ABCB10: variants seen among roughly 807,000 people sequenced by gnomAD.
ABCB10 encodes the protein ATP-binding cassette sub-family B member 10, mitochondrial.
ABCB10 carries 54 observed loss-of-function variants against 65.4 expected under a neutral mutation model. The ratio of observed to expected loss-of-function variants is 0.83; its 90% CI spans 0.66 to 1.04. The LOEUF is 1.04. Ranked by LOEUF, ABCB10 falls within the 50% of genes least tolerant of loss-of-function variation. ABCB10 has a pLI of 0.00. For missense variants in ABCB10, 846 were observed against 976.6 expected, an observed-to-expected ratio of 0.87 and a Z score of 1.78; for synonymous variants, 418 against 406.5, an observed-to-expected ratio of 1.03 and a Z score of -0.34.
rs1484911964 is a variant in ABCB10 at position 229,539,517 on chromosome 1, C to T, written c.1278G>A (p.Met426Ile). 1 of 1,614,008 alleles carries T rather than the reference C, an allele frequency of 6.2e-7. No homozygotes were observed. Among genetic ancestry groups the T allele is most frequent in the South Asian group, 1.1e-5 (1 of 91,066 alleles). Residue 426 changes from methionine to isoleucine, a missense_variant, in exon 6 of 13, where the codon ATG becomes ATA. Physicochemically the swap from Met to Ile is conservative, Grantham distance 10. Transcript: ENST00000344517. ...GGAAGGAAGAGAGTTCACCCACGGT[C>T]ATGTGGGCACTGCCCATCAGCAGCC... The part of the protein sequence containing the change: ...KGGLLMGSAH[M>I]TVGELSSFLM...
intron 11 of ABCB10, among the ~76,000 whole-genome samples, chr1:229,521,174 C>T (rs1267356567): frequency 6.6e-6 from 1 of 152,056 alleles, no homozygotes; most frequent in African/African-American, 2.4e-5. Flanking sequence ...TAAAATGGCT[C>T]TTCCCTTTCC....
At position 229,558,550 on chromosome 1, in the gene ABCB10, G is replaced by C. The variant is rs1333104531; in HGVS notation, c.103C>G (p.Arg35Gly). The C allele has an allele frequency of 1.4e-6, 2 of 1,441,574 alleles. No individual in the cohort carries two copies. The highest frequency in any genetic ancestry group is 3.2e-5 in the East Asian group (1 of 31,298). 89.3% of individuals were successfully genotyped at this position (1,441,574 alleles called of 1,614,324 possible). A position where few individuals can be genotyped will look rare whatever the true frequency, so the allele number is the denominator to read the frequency against. The part of the protein sequence containing the change: ...PVACVWAAAS[R>G]VPGSLSPFTG... ...AACGGCGATAGGGACCCGGGAACGC[G>C]GCTGGCCGCGGCCCACACGCAGGCT... is the stretch of plus-strand genomic sequence containing the variant. Residue 35 changes from arginine to glycine, a missense_variant, in exon 1 of 13, where the codon CGC (arginine) becomes GGC (glycine). By Grantham distance (125) the Arg-to-Gly change is moderately radical. Around this residue, in one of 2 missense-constraint regions of ABCB10, gnomAD observed 214 missense variants for 173.5 expected, o/e 1.23. Coordinates refer to ENST00000344517, the MANE Select transcript of ABCB10 (RefSeq NM_012089.3).
At chr1:229,527,065 G>A (rs978071265) in intron 9 of ABCB10, among the ~76,000 whole-genome samples, 164 bp downstream of exon 9, 2 of 151,196 alleles carry the variant, frequency 1.3e-5, no homozygotes, top group African/African-American at 2.4e-5. Context: ...AGGAAACAGC[G>A]CTACTTGCAA....
Position 229,518,038 on chromosome 1 carries a change from A to C in ABCB10, c.*141T>G. On this transcript the variant is annotated 3_prime_UTR_variant, in exon 13 of 13. Coordinates refer to ENST00000344517, the MANE Select transcript of ABCB10 (RefSeq NM_012089.3). Reference sequence around the variant, plus strand: ...CTTGAGAACAGGTACGTTTCAAAACAATCTTTTACACACTTTGGAAAAAAA... The same window carrying C: ...CTTGAGAACAGGTACGTTTCAAAACCATCTTTTACACACTTTGGAAAAAAA... The C allele has an allele frequency of 1.5e-6, 1 of 650,642 alleles. No individual in the cohort carries two copies. The highest frequency in any genetic ancestry group is 2.0e-5 in the South Asian group (1 of 49,128). The allele number at this position is 650,642 out of a possible 1,614,324, so 40.3% of individuals were successfully genotyped here.
chr1:229,552,514 A>G (rs770827294), intron 1 of ABCB10, among the ~76,000 whole-genome samples: 1 of 152,174 alleles, frequency 6.6e-6, no homozygotes, highest in African/African-American at 2.4e-5. Flanking sequence ...CAAAGATGGA[A>G]ACAAATATCC....
chr1:229,552,257 A>G (rs1282525006), intron 1 of ABCB10, among the ~76,000 whole-genome samples: 2 of 152,238 alleles, frequency 1.3e-5, no homozygotes, highest in African/African-American at 4.8e-5. Flanking sequence ...CTGACTACAT[A>G]TCACTGTCTT....
In ABCB10 at chr1:229,531,682, C is replaced by A. The variant is rs202239030; in HGVS notation, c.1389G>T (p.Gly463=). The A allele has an allele frequency of 1.7e-5, 27 of 1,613,764 alleles. No homozygotes were observed. Among genetic ancestry groups the A allele is most frequent in the East Asian group, 2.2e-5 (1 of 44,842 alleles). ...CTCTCTCCAGGAGCTCCCAGAGGCG[C>A]CCCCCTGCACCCAGTCCTTTCATCA... The part of the protein sequence containing the change: ...SELMKGLGAG[G]RLWELLEREP... The change falls in exon 7 of 13, where the codon GGG becomes GGT. Residue 463 remains glycine, a synonymous_variant. Transcript: ENST00000344517.
rs1662209686 is a variant in ABCB10 at position 229,517,794 on chromosome 1, A to G, written c.*385T>C. 1 of 173,124 alleles carries G rather than the reference A, an allele frequency of 5.8e-6. No homozygotes were observed. 10.7% of individuals were successfully genotyped at this position (173,124 alleles called of 1,614,324 possible). A position where few individuals can be genotyped will look rare whatever the true frequency, so the allele number is the denominator to read the frequency against. ...CCAGAAGAATTACACAGTGATTGGT[A>G]AACTGGCCTAAAATAATCAGGCTTT... On this transcript the variant is annotated 3_prime_UTR_variant, in exon 13 of 13. Coordinates refer to ENST00000344517, the MANE Select transcript of ABCB10 (RefSeq NM_012089.3).
In ABCB10 at chr1:229,517,876, G is replaced by C. The variant is rs189478483; in HGVS notation, c.*303C>G. The stretch of plus-strand genomic sequence containing the variant: ...TTGACAATAGCTTCAATCTTTAACA[G>C]CAGGCAAAAGAAAATGAGGTGCCAT... On this transcript the variant is annotated 3_prime_UTR_variant, in exon 13 of 13. Coordinates refer to ENST00000344517, the MANE Select transcript of ABCB10 (RefSeq NM_012089.3). 2.1e-5 allele frequency: 5 copies of C among 240,764 alleles called. No homozygotes were observed. The East Asian group carries it at 4.9e-4, about 24-fold the overall frequency. The allele number at this position is 240,764 out of a possible 1,614,324, so 14.9% of individuals were successfully genotyped here. A position where few individuals can be genotyped will look rare whatever the true frequency, so the allele number is the denominator to read the frequency against.
intron 2 of ABCB10, among the ~76,000 whole-genome samples, chr1:229,548,258 C>A (rs755598489): frequency 6.6e-6 from 1 of 152,122 alleles, no homozygotes; most frequent in Non-Finnish European, 1.5e-5. Flanking sequence ...CCTGCCTCAG[C>A]CTCCCAAAGT....
At chr1:229,534,391 G>T (rs1035179556) in intron 6 of ABCB10, among the ~76,000 whole-genome samples, 1 of 151,974 alleles carries the variant, frequency 6.6e-6, no homozygotes, top group African/African-American at 2.4e-5. Context: ...AATTTTTTTT[G>T]TAAGAAAAAA....
chr1:229,520,636 C>A (rs1662291336), intron 11 of ABCB10, among the ~76,000 whole-genome samples: 1 of 152,044 alleles, frequency 6.6e-6, no homozygotes, highest in Admixed American at 6.6e-5. Flanking sequence ...CACAATAGCC[C>A]CAAACTGGAA....
At chr1:229,536,905 C>T (rs1291620098) in intron 6 of ABCB10, among the ~76,000 whole-genome samples, 1 of 151,268 alleles carries the variant, frequency 6.6e-6, no homozygotes, top group South Asian at 2.1e-4. Context: ...TGCCCTACTG[C>T]ACTCCAGCCT....
Position 229,556,420 on chromosome 1 carries a change from T to C in ABCB10, c.517+1716A>G, listed in dbSNP as rs950703025. On this transcript the variant is annotated intron_variant, in intron 1 of 12. Coordinates refer to ENST00000344517, the MANE Select transcript of ABCB10 (RefSeq NM_012089.3). ...AGCTGGGTGTGGTGGCACATGCCTG[T>C]AGTCCCAACTACTCAGGAGGTAGAG... 2.7e-5 allele frequency among the ~76,000 whole-genome samples: 4 copies of C among 150,456 alleles called. No individual in the cohort carries two copies. The South Asian group carries it at 8.4e-4, about 32-fold the overall frequency.
intron 1 of ABCB10, among the ~76,000 whole-genome samples, chr1:229,554,726 C>A (rs1026194231): frequency 2.0e-5 from 3 of 152,158 alleles, no homozygotes; most frequent in Admixed American, 1.3e-4. Flanking sequence ...TTCTGTAGCA[C>A]ACGCACATCC....
intron 1 of ABCB10, among the ~76,000 whole-genome samples, chr1:229,552,107 C>T (rs1159932788): frequency 2.0e-5 from 3 of 152,088 alleles, no homozygotes; most frequent in Non-Finnish European, 4.4e-5. Flanking sequence ...TCAGGATATC[C>T]CCCCACACTT....
rs1294247677 is a variant in ABCB10 at position 229,526,095 on chromosome 1, A to G, written c.1747T>C (p.Ser583Pro). The change falls in exon 10 of 13, where the codon TCT becomes CCT. Residue 583 changes from serine (S) to proline (P), a missense_variant. Around this residue, in one of 2 missense-constraint regions of ABCB10, gnomAD observed 632 missense variants for 803.2 expected, o/e 0.79. Coordinates refer to ENST00000344517, the MANE Select transcript of ABCB10 (RefSeq NM_012089.3). Reference sequence around the variant, plus strand: ...CCATAAGCAATGTTCTCAGCAATAGAGCAAGAAAACAAAATGGGTTCCTAC... The same window carrying G: ...CCATAAGCAATGTTCTCAGCAATAGGGCAAGAAAACAAAATGGGTTCCTAC... ...VSQEPILFSCSIAENIAYGAD... is the reference protein window; with the variant it reads ...VSQEPILFSCPIAENIAYGAD... 6.2e-7 allele frequency: 1 copy of G among 1,610,214 alleles called. No homozygotes were observed. The highest frequency in any genetic ancestry group is 8.5e-7 in the Non-Finnish European group (1 of 1,179,000).
In ABCB10 at chr1:229,558,229, C is replaced by T. The variant is rs751388017; in HGVS notation, c.424G>A (p.Gly142Arg). ...GCGGGGCGCAGCCGCCCCTTGTCCC[C>T]GGGAGGCGCCGCCGGCCCGCGCCGC... ...AWRRGPAAPP[G>R]DKGRLRPAAA... Residue 142 changes from glycine to arginine, a missense_variant, in exon 1 of 13, where the codon GGG becomes AGG. Physicochemically the swap from Gly to Arg is moderately radical, Grantham distance 125. Coordinates refer to ENST00000344517, the MANE Select transcript of ABCB10 (RefSeq NM_012089.3). 6.6e-6 allele frequency: 9 copies of T among 1,361,182 alleles called. No homozygotes were observed. The South Asian group carries it at 8.3e-5, about 13-fold the overall frequency. 84.3% of individuals were successfully genotyped at this position (1,361,182 alleles called of 1,614,324 possible).
intron 8 of ABCB10, among the ~76,000 whole-genome samples, chr1:229,529,667 C>CAA (rs969766089): frequency 0.022 from 519 of 23,130 alleles, 35 homozygotes; most frequent in African/African-American, 0.032. Flanking sequence ...AAGACTGTCT[C>CAA]AAAAAAAAAA....
Sources: gnomAD v4.1 joint callset for allele counts (sites outside exome capture counted in the v4.1 genomes callset) on GRCh38, gnomAD v4.1.1 for gene constraint, gnomAD v4.1.1 regional missense constraint, MANE v1.5 for transcripts, NCBI Gene and HGNC (gene_info 2026-07-23, HGNC 2026-07-21) for gene names.